The following DCAF7 variants were observed in gnomAD, a reference collection of about 807,000 sequenced individuals.
The protein encoded by DCAF7 is DDB1 and CUL4 associated factor 7.
A neutral mutation model predicts 41.2 loss-of-function variants in DCAF7; 4 were observed. That is an observed-to-expected ratio of 0.10 (90% confidence interval 0.05 to 0.22). DCAF7 has a LOEUF of 0.22. DCAF7 is among the 10% of genes least tolerant of loss of function. The probability of loss-of-function intolerance (pLI) is 1.00; values close to 1 mark genes in which losing one functional copy is unlikely to be tolerated. For missense variants in DCAF7, 131 were observed against 443.2 expected (o/e 0.30, Z 6.32); for synonymous variants, 143 against 164.2 (o/e 0.87, Z 0.99).
chr17:63,562,573 A>T (rs1032290081), intron 1 of DCAF7, among the ~76,000 whole-genome samples: 1 of 151,352 alleles, frequency 6.6e-6, no homozygotes, highest in Admixed American at 6.6e-5. Flanking sequence ...GTTTTAGGGT[A>T]CATGTGCACA....
intron 1 of DCAF7, among the ~76,000 whole-genome samples, chr17:63,567,890 C>T (rs1298982953): frequency 6.6e-6 from 1 of 151,950 alleles, no homozygotes; most frequent in Non-Finnish European, 1.5e-5. Context: ...TCAAATTCCT[C>T]TTGGGCTCAA....
chr17:63,562,392 A>G (rs1386673976), intron 1 of DCAF7, among the ~76,000 whole-genome samples: 2 of 152,188 alleles, frequency 1.3e-5, no homozygotes, highest in African/African-American at 2.4e-5. Context: ...ACGGACACTC[A>G]TTAATTAATT....
At chr17:63,553,198 T>A (rs2033275731) in intron 1 of DCAF7, among the ~76,000 whole-genome samples, 2 of 152,248 alleles carry the variant, frequency 1.3e-5, no homozygotes, top group East Asian at 3.8e-4. Flanking sequence ...CCATCCACTG[T>A]AATTATTAAT....
At chr17:63,585,838 C>T (rs773336603) in intron 6 of DCAF7, among the ~76,000 whole-genome samples, 29 of 152,232 alleles carry the variant, frequency 1.9e-4, no homozygotes, top group East Asian at 3.9e-4. Context: ...GCACCCCTTA[C>T]GGGCTGGGTG....
At chr17:63,577,373 G>C in intron 1 of DCAF7, among the ~76,000 whole-genome samples, 1 of 152,206 alleles carries the variant, frequency 6.6e-6, no homozygotes, top group East Asian at 1.9e-4. Flanking sequence ...TGTCTGGTTA[G>C]TGCTTTTCCC....
At chr17:63,553,234 A>C (rs2033276185) in intron 1 of DCAF7, among the ~76,000 whole-genome samples, 1 of 152,242 alleles carries the variant, frequency 6.6e-6, no homozygotes, top group Non-Finnish European at 1.5e-5. Flanking sequence ...TGACAAGGGT[A>C]AACAGCATTT....
At position 63,592,204 on chromosome 17, in the gene DCAF7, C is replaced by T. The variant is rs2033740802; in HGVS notation, c.*3032C>T. 6.6e-6 allele frequency: 1 copy of T among 152,082 alleles called. No homozygotes were observed. Among genetic ancestry groups the T allele is most frequent in the East Asian group, 1.9e-4 (1 of 5,184 alleles). The allele number at this position is 152,082 out of a possible 1,614,324, so 9.4% of individuals were successfully genotyped here. On this transcript the variant is annotated 3_prime_UTR_variant, in exon 7 of 7. Coordinates refer to ENST00000614556, the MANE Select transcript of DCAF7 (RefSeq NM_005828.5). ...GATCCCAAGGTCAGAAGATCGAGAC[C>T]ATCCTGGCTAACATGGTGAAACCCC...
At chr17:63,584,532 TG>T (rs1464148184) in intron 5 of DCAF7, among the ~76,000 whole-genome samples, 1 of 150,006 alleles carries the variant, frequency 6.7e-6, no homozygotes, top group Non-Finnish European at 1.5e-5. Flanking sequence ...GAGGCCAAGG[TG>T]GGCGGATCAC....
chr17:63,585,021 A>G (rs1477326576), intron 5 of DCAF7, among the ~76,000 whole-genome samples, 190 bp from the exon 6 acceptor site: 3 of 152,210 alleles, frequency 2.0e-5, no homozygotes, highest in Non-Finnish European at 4.4e-5. Context: ...GTGTTGCTCA[A>G]GATAGAGACT....
At chr17:63,570,163 G>A (rs1210490980) in intron 1 of DCAF7, among the ~76,000 whole-genome samples, 1 of 151,992 alleles carries the variant, frequency 6.6e-6, no homozygotes, top group African/African-American at 2.4e-5. Context: ...TGACAGAAAT[G>A]ATAGGAAAGG....
In DCAF7 at chr17:63,550,938, C is replaced by T. The variant is rs1343452235; in HGVS notation, c.138+123C>T. On this transcript the variant is annotated intron_variant, in intron 1 of 6. Coordinates refer to ENST00000614556, the MANE Select transcript of DCAF7 (RefSeq NM_005828.5). The surrounding 1 kb of genome is among the most constrained non-coding windows in gnomAD (Gnocchi z 4.8). ...CTCGCCCTAGGGCCACGGAGCGGTT[C>T]CTCTGTCTGGCCCTGTGCTGAAGGT... 3 of 1,431,096 alleles carry T rather than the reference C, an allele frequency of 2.1e-6. No individual in the cohort carries two copies. Among genetic ancestry groups the T allele is most frequent in the East Asian group, 2.5e-5 (1 of 40,096 alleles). 88.6% of individuals were successfully genotyped at this position (1,431,096 alleles called of 1,614,324 possible).
intron 4 of DCAF7, among the ~76,000 whole-genome samples, chr17:63,582,016 A>G (rs1428008160): frequency 6.6e-6 from 1 of 152,078 alleles, no homozygotes; most frequent in Non-Finnish European, 1.5e-5. Flanking sequence ...TGCCCATGGC[A>G]CCTGTGGGAT....
chr17:63,550,865 G>C lies in DCAF7; in HGVS notation c.138+50G>C, dbSNP rs769869731. The C allele has an allele frequency of 6.9e-6, 11 of 1,588,390 alleles. No individual in the cohort carries two copies. ...CCAGCTGGCGGGGAGCGGGCCCCGG[G>C]AGCGCCCTTTCCGGGCCGGAGCCCA... On this transcript the variant is annotated intron_variant, in intron 1 of 6. Coordinates refer to ENST00000614556, the MANE Select transcript of DCAF7 (RefSeq NM_005828.5). This position sits in a 1 kb window ranked among gnomAD's most constrained non-coding sequence, Gnocchi z 4.8.
intron 1 of DCAF7, among the ~76,000 whole-genome samples, chr17:63,576,939 T>C (rs1022509097): frequency 1.3e-5 from 2 of 152,200 alleles, no homozygotes; most frequent in Admixed American, 6.5e-5. Context: ...TACTGCCACA[T>C]TGCACATAAT....
At position 63,578,524 on chromosome 17, in the gene DCAF7, T is replaced by G. The variant is rs1290747077; in HGVS notation, c.193T>G (p.Phe65Val). 1.2e-6 allele frequency: 2 copies of G among 1,614,004 alleles called. No homozygotes were observed. Among genetic ancestry groups the G allele is most frequent in the South Asian group, 1.1e-5 (1 of 91,084 alleles). Residue 65 changes from phenylalanine to valine, a missense_variant, in exon 2 of 7, where the codon TTT (phenylalanine) becomes GTT (valine). Phe to Val is a conservative substitution (Grantham distance 50). Transcript: ENST00000614556. ...TTCAGAGTTTATTTGCAGAAACACC[T>G]TTGACCACCCATACCCCACCACAAA... ...ESSEFICRNT[F>V]DHPYPTTKLM...
intron 6 of DCAF7, among the ~76,000 whole-genome samples, chr17:63,587,645 G>A (rs1279884351): frequency 3.3e-5 from 5 of 152,082 alleles, no homozygotes; most frequent in Non-Finnish European, 5.9e-5. Flanking sequence ...CAGACTATGC[G>A]GCCTTGGCAG....
At chr17:63,554,986 T>C (rs1020033328) in intron 1 of DCAF7, among the ~76,000 whole-genome samples, 2 of 152,246 alleles carry the variant, frequency 1.3e-5, no homozygotes, top group East Asian at 1.9e-4. Flanking sequence ...CAGATTCTTA[T>C]AGTCAGACTC....
chr17:63,578,581 T>C lies in DCAF7; in HGVS notation c.250T>C (p.Tyr84His). 6.2e-7 allele frequency: 1 copy of C among 1,614,060 alleles called. No individual in the cohort carries two copies. Among genetic ancestry groups the C allele is most frequent in the Non-Finnish European group, 8.5e-7 (1 of 1,179,890 alleles). ...GTGGATCCCTGACACAAAAGGCGTC[T>C]ATCCAGACCTACTGGCAACAAGCGG... ...LMWIPDTKGV[Y>H]PDLLATSGDY... The change falls in exon 2 of 7, where the codon TAT becomes CAT. Residue 84 changes from tyrosine (Y) to histidine (H), a missense_variant. Transcript: ENST00000614556.
At chr17:63,561,238 C>G (rs2147762024) in intron 1 of DCAF7, among the ~76,000 whole-genome samples, 1 of 152,206 alleles carries the variant, frequency 6.6e-6, no homozygotes, top group East Asian at 1.9e-4. Flanking sequence ...GCACTCCAGC[C>G]TGGGCAATAG....
Sources: gnomAD v4.1 joint callset for allele counts (sites outside exome capture counted in the v4.1 genomes callset) on GRCh38, gnomAD v4.1.1 for gene constraint, Gnocchi (gnomAD v3.1) non-coding constraint, MANE v1.5 for transcripts, NCBI Gene and HGNC (gene_info 2026-07-23, HGNC 2026-07-21) for gene names.